PARVB: variants seen among roughly 807,000 people sequenced by gnomAD.
PARVB encodes the protein parvin beta, also known as beta-parvin.
In PARVB, 46 loss-of-function variants were observed where a neutral mutation model predicts 47.0. That is an observed-to-expected ratio of 0.98 (90% CI 0.77 to 1.25). The LOEUF is 1.25. Among genes scored for constraint, PARVB ranks in the 50% most tolerant of loss-of-function variants. PARVB has a pLI of 0.00. For synonymous variants in PARVB, 196 were observed against 196.3 expected (o/e 1.00, Z 0.01); for missense variants, 473 against 471.6 (o/e 1.00, Z -0.03).
At chr22:44,163,078 G>A (rs6006683) in intron 11 of PARVB, among the ~76,000 whole-genome samples, 430 of 152,252 alleles carry the variant, frequency 2.8e-3, no homozygotes, top group African/African-American at 9.7e-3. Context: ...ACAGCCTCAC[G>A]TGCAGGTCTT....
At chr22:44,099,096 G>A (rs1484257928) in intron 2 of PARVB, among the ~76,000 whole-genome samples, 5 of 152,214 alleles carry the variant, frequency 3.3e-5, no homozygotes, top group African/African-American at 1.2e-4. Context: ...TGTCCTGGGG[G>A]TAACTGGCTT....
chr22:44,114,467 G>A (rs1439972919), intron 3 of PARVB: 1 of 79,492 alleles, frequency 1.3e-5, no homozygotes, highest in African/African-American at 6.0e-5. Flanking sequence ...CAGATACATT[G>A]TTACTAACTA....
At chr22:44,016,289 G>A (rs1047007772) in intron 2 of PARVB, among the ~76,000 whole-genome samples, 3 of 151,738 alleles carry the variant, frequency 2.0e-5, no homozygotes, top group South Asian at 2.1e-4. Context: ...GTAGAGACGG[G>A]GTTTCACCGT....
At chr22:44,024,545 C>T (rs2050696750) in intron 1 of PARVB, 94 bp downstream of exon 1, 3 of 470,008 alleles carry the variant, frequency 6.4e-6, no homozygotes, top group Non-Finnish European at 8.8e-6. Flanking sequence ...CCCGCCCTCC[C>T]CCACGCACCC....
rs1419468345 is a variant in PARVB, at chr22:44,157,970, C to T, written c.844-12C>T. The T allele has an allele frequency of 6.2e-7, 1 of 1,600,254 alleles. No homozygotes were observed. Among genetic ancestry groups the T allele is most frequent in the Non-Finnish European group, 8.6e-7 (1 of 1,167,972 alleles). On this transcript the variant is annotated splice_polypyrimidine_tract_variant and intron_variant, in intron 10 of 12. Coordinates refer to ENST00000338758, the MANE Select transcript of PARVB (RefSeq NM_013327.5). ...TACCCTGCCCGGAAACATCACAAGTCTTTCTCTGCAGTTTGCAGATGGCGT... is the reference window on the plus strand; with the variant it reads ...TACCCTGCCCGGAAACATCACAAGTTTTTCTCTGCAGTTTGCAGATGGCGT...
upstream of PARVB, among the ~76,000 whole-genome samples, chr22:44,019,849 A>G (rs2050627726): frequency 6.6e-6 from 1 of 152,212 alleles, no homozygotes; most frequent in South Asian, 2.1e-4. Flanking sequence ...TGGGGTTTAG[A>G]TATTTGGAGT....
chr22:44,013,288 C>T (rs1358705327), intron 2 of PARVB, among the ~76,000 whole-genome samples: 2 of 152,194 alleles, frequency 1.3e-5, no homozygotes, highest in African/African-American at 2.4e-5. Flanking sequence ...CCAAATTATC[C>T]CATCCAGGGG....
chr22:44,047,809 C>A (rs1569074939), intron 1 of PARVB, among the ~76,000 whole-genome samples: 1 of 152,128 alleles, frequency 6.6e-6, no homozygotes. Flanking sequence ...TCTCAGGGAG[C>A]CTTGACCCAG....
chr22:44,035,590 C>G (rs2050907435), intron 1 of PARVB, among the ~76,000 whole-genome samples: 1 of 151,882 alleles, frequency 6.6e-6, no homozygotes, highest in African/African-American at 2.4e-5. Flanking sequence ...CCAGGATGGT[C>G]TCGATCTCCT....
intron 3 of PARVB, among the ~76,000 whole-genome samples, chr22:44,117,940 G>A (rs988772404): frequency 3.3e-5 from 5 of 152,206 alleles, no homozygotes; most frequent in Non-Finnish European, 7.3e-5. Flanking sequence ...AGGTGGAATT[G>A]TGTTTGGCGG....
intron 1 of PARVB, among the ~76,000 whole-genome samples, chr22:44,070,408 C>G (rs17582105): frequency 0.018 from 2,765 of 152,324 alleles, 54 homozygotes; most frequent in African/African-American, 0.052. Context: ...TCCTTCCCCA[C>G]TTTTGTGGAA....
chr22:44,058,821 C>T (rs1410949962), intron 1 of PARVB, among the ~76,000 whole-genome samples: 3 of 152,086 alleles, frequency 2.0e-5, no homozygotes, highest in African/African-American at 7.2e-5. Flanking sequence ...TCCCAAAGTG[C>T]TGGGATTACA....
chr22:44,126,339 A>G (rs150843444), intron 4 of PARVB, among the ~76,000 whole-genome samples: 159 of 152,332 alleles, frequency 1.0e-3, no homozygotes, highest in African/African-American at 3.5e-3. Flanking sequence ...CATAATTATC[A>G]CAATTTTATT....
rs562590014 is a variant in PARVB at position 44,042,517 on chromosome 22, G to A, written c.112+18066G>A. 3.3e-4 allele frequency among the ~76,000 whole-genome samples: 51 copies of A among 152,334 alleles called. 1 individual carries two copies. The highest frequency in any genetic ancestry group is 1.2e-3 in the African/African-American group (49 of 41,576). ...CTGTAGGCATTTGCAGAGATGGGAC[G>A]AGAAGACACGCCACCCTGGGAACTG... On this transcript the variant is annotated intron_variant, in intron 1 of 12. Transcript: ENST00000338758.
chr22:44,028,156 C>T (rs148265806), intron 1 of PARVB, among the ~76,000 whole-genome samples: 317 of 151,990 alleles, frequency 2.1e-3, no homozygotes, highest in African/African-American at 7.2e-3. Context: ...TTGCTCTTGC[C>T]GTTGGACATT....
At chr22:44,074,339 T>TG (rs1319565168) in intron 1 of PARVB, among the ~76,000 whole-genome samples, 1 of 152,222 alleles carries the variant, frequency 6.6e-6, no homozygotes, top group Non-Finnish European at 1.5e-5. Flanking sequence ...CCATGTCTCC[T>TG]GGGCTCTGGC....
rs73888813 is a variant in PARVB at position 44,018,779 on chromosome 22, C to T, written c.211+19106C>T. The stretch of plus-strand genomic sequence containing the variant: ...GGTGCTGGAGGGCAGTCCTTTCCAT[C>T]GCCCCCGTTCTCCTCACCCAGATTC... On this transcript the variant is annotated intron_variant, in intron 2 of 13. Coordinates refer to the PARVB transcript ENST00000406477. 9.6e-3 allele frequency among the ~76,000 whole-genome samples: 1,466 copies of T among 152,300 alleles called. 25 individuals are homozygous for T. The highest frequency in any genetic ancestry group is 0.033 in the African/African-American group (1,382 of 41,560).
chr22:44,117,887 C>A (rs2052947018), intron 3 of PARVB, among the ~76,000 whole-genome samples: 1 of 152,126 alleles, frequency 6.6e-6, no homozygotes, highest in South Asian at 2.1e-4. Flanking sequence ...TGATTGAGTC[C>A]ATTTTATTTT....
rs200342928 is a variant in PARVB at position 44,158,064 on chromosome 22, C to T, written c.926C>T (p.Pro309Leu). 8.7e-6 allele frequency: 14 copies of T among 1,612,880 alleles called. No individual in the cohort carries two copies. Among genetic ancestry groups the T allele is most frequent in the East Asian group, 4.5e-5 (2 of 44,890 alleles). The part of the protein sequence containing the change: ...FVPLHHFYLT[P>L]ESFDQKVHNV... The stretch of plus-strand genomic sequence containing the variant: ...CCTCTCCACCACTTCTACCTGACTC[C>T]GGAAAGCTTCGATCAGAAGGTATGT... Residue 309 changes from proline (P) to leucine (L), a missense_variant, in exon 11 of 13, where the codon CCG becomes CTG. Transcript: ENST00000338758.
Sources: gnomAD v4.1 joint callset for allele counts (sites outside exome capture counted in the v4.1 genomes callset) on GRCh38, gnomAD v4.1.1 for gene constraint, MANE v1.5 for transcripts, NCBI Gene and HGNC (gene_info 2026-07-23, HGNC 2026-07-21) for gene names.